Variants in HNRNPM observed in about 807,000 individuals in gnomAD.
HNRNPM encodes heterogeneous nuclear ribonucleoprotein M.
HNRNPM carries 11 observed loss-of-function variants against 73.1 expected under a neutral mutation model. The observed-to-expected ratio is 0.15, with a 90% CI of 0.09 to 0.25. The LOEUF is 0.25. HNRNPM is among the 10% of genes least tolerant of loss of function. The pLI is 1.00. For missense variants in HNRNPM, 789 were observed against 1,067.9 expected (o/e 0.74, Z 3.64); for synonymous variants, 407 against 355.2 (o/e 1.15, Z -1.64).
chr19:8,448,005 G>A (rs1007393078), intron 1 of HNRNPM, among the ~76,000 whole-genome samples: 1 of 152,174 alleles, frequency 6.6e-6, no homozygotes, highest in African/African-American at 2.4e-5. Context: ...CAGCCTGGGC[G>A]ACAGAGCGAT....
Position 8,488,862 on chromosome 19 carries a change from C to A in HNRNPM, c.*8C>A. 6.2e-7 allele frequency: 1 copy of A among 1,601,328 alleles called. No homozygotes were observed. Among genetic ancestry groups the A allele is most frequent in the Non-Finnish European group, 8.5e-7 (1 of 1,170,588 alleles). ...ATTGATAGAAACGCTTAAGCAGTTGCCTTTTTTAAACATCGATACGAGACC... is the reference window on the plus strand; with the variant it reads ...ATTGATAGAAACGCTTAAGCAGTTGACTTTTTTAAACATCGATACGAGACC... On this transcript the variant is annotated 3_prime_UTR_variant, in exon 16 of 16. Coordinates refer to ENST00000325495, the MANE Select transcript of HNRNPM (RefSeq NM_005968.5).
chr19:8,479,605 C>T (rs1049310161), intron 12 of HNRNPM, among the ~76,000 whole-genome samples: 1 of 151,772 alleles, frequency 6.6e-6, no homozygotes, highest in Non-Finnish European at 1.5e-5. Context: ...CACATGCCAC[C>T]ATGCCCAGCT....
chr19:8,488,156 T>C (rs1221440396), intron 15 of HNRNPM: 1 of 152,538 alleles, frequency 6.6e-6, no homozygotes, highest in African/African-American at 2.4e-5. Flanking sequence ...GGGCCCTCTC[T>C]TAGGCACTGA....
At chr19:8,456,757 G>C (rs1169048538) in intron 2 of HNRNPM, among the ~76,000 whole-genome samples, 1 of 152,204 alleles carries the variant, frequency 6.6e-6, no homozygotes, top group Non-Finnish European at 1.5e-5. Context: ...TCTCCGTACA[G>C]TCACGCGTGC....
At chr19:8,480,897 A>T (rs1242842368) in intron 12 of HNRNPM, among the ~76,000 whole-genome samples, 2 of 151,800 alleles carry the variant, frequency 1.3e-5, no homozygotes, top group Admixed American at 1.3e-4. Context: ...CTGCGGTTAC[A>T]CCTTCTTTCT....
intron 1 of HNRNPM, among the ~76,000 whole-genome samples, chr19:8,452,181 T>G (rs902078809): frequency 6.6e-6 from 1 of 152,216 alleles, no homozygotes; most frequent in African/African-American, 2.4e-5. Flanking sequence ...GTTAGACACT[T>G]TGTTACCTGC....
intron 1 of HNRNPM, among the ~76,000 whole-genome samples, chr19:8,447,510 A>G (rs935112853): frequency 2.6e-5 from 4 of 152,020 alleles, no homozygotes; most frequent in African/African-American, 7.2e-5. Flanking sequence ...GACGTGTGGA[A>G]GTGGAGGAGA....
intron 13 of HNRNPM, among the ~76,000 whole-genome samples, chr19:8,484,807 G>T (rs900612689): frequency 2.0e-5 from 3 of 152,174 alleles, no homozygotes; most frequent in Admixed American, 6.5e-5. Flanking sequence ...TGTGGAAAGG[G>T]GTGGCCTTGC....
intron 8 of HNRNPM, among the ~76,000 whole-genome samples, chr19:8,467,802 G>A (rs1052965783): frequency 6.6e-6 from 1 of 152,228 alleles, no homozygotes; most frequent in Non-Finnish European, 1.5e-5. Context: ...TGAGGCAGGC[G>A]GATCATGAGG....
At chr19:8,476,187 C>G (rs1042086606) in intron 12 of HNRNPM, among the ~76,000 whole-genome samples, 4 of 152,022 alleles carry the variant, frequency 2.6e-5, no homozygotes, top group African/African-American at 9.7e-5. Flanking sequence ...CTTAGATGTT[C>G]TGAGATACGG....
intron 1 of HNRNPM, among the ~76,000 whole-genome samples, chr19:8,454,336 T>C (rs1968840203): frequency 6.6e-6 from 1 of 152,238 alleles, no homozygotes. Context: ...ATATTTGGCC[T>C]TCAGTGACTG....
chr19:8,458,327 AG>A (rs1157601244), intron 2 of HNRNPM, among the ~76,000 whole-genome samples: 2 of 152,268 alleles, frequency 1.3e-5, no homozygotes, highest in African/African-American at 4.8e-5. Flanking sequence ...ACAGCTCCCC[AG>A]GTTGTATCCT....
intron 1 of HNRNPM, among the ~76,000 whole-genome samples, chr19:8,454,680 C>CT (rs1968872269): frequency 8.1e-6 from 1 of 123,612 alleles, no homozygotes; most frequent in Non-Finnish European, 1.8e-5. Context: ...TATGCCCCCC[C>CT]CCCCTTTTTT....
chr19:8,474,774 G>A (rs1459005696), intron 12 of HNRNPM, among the ~76,000 whole-genome samples: 2 of 149,390 alleles, frequency 1.3e-5, no homozygotes, highest in Admixed American at 1.3e-4. Flanking sequence ...GAGTGCAATG[G>A]TGCGATCTTG....
At chr19:8,486,430 T>A in intron 14 of HNRNPM, 25 bp downstream of exon 14, 2 of 1,533,384 alleles carry the variant, frequency 1.3e-6, no homozygotes, top group Non-Finnish European at 1.7e-6. Context: ...GGGAACTTCT[T>A]GGTGGTGGTG....
chr19:8,471,457 G>T (rs755262926), intron 10 of HNRNPM, 30 bp downstream of exon 10: 1 of 1,355,006 alleles, frequency 7.4e-7, no homozygotes, highest in Admixed American at 2.2e-5. Context: ...TTGCTTGGTG[G>T]TTTGGGGAAG....
chr19:8,456,810 C>T (rs539098902), intron 2 of HNRNPM, among the ~76,000 whole-genome samples: 67 of 152,100 alleles, frequency 4.4e-4, no homozygotes, highest in Non-Finnish European at 8.5e-4. Flanking sequence ...GATGGAAAAA[C>T]GTTTTGGTGT....
At chr19:8,445,713 C>G (rs1177202028) in intron 1 of HNRNPM, 1 of 152,486 alleles carries the variant, frequency 6.6e-6, no homozygotes, top group African/African-American at 2.4e-5. Flanking sequence ...TCGGAACCGC[C>G]CCTCGCCCCA....
intron 2 of HNRNPM, among the ~76,000 whole-genome samples, chr19:8,460,757 TGA>T (rs1969344546): frequency 6.6e-6 from 1 of 152,176 alleles, no homozygotes; most frequent in African/African-American, 2.4e-5. Flanking sequence ...TTAATTATTG[TGA>T]GTCTTTTATT....
Sources: allele counts gnomAD v4.1 joint callset (sites outside exome capture counted in the v4.1 genomes callset), GRCh38; gene constraint gnomAD v4.1.1; transcripts MANE v1.5; gene names NCBI Gene and HGNC (gene_info 2026-07-23, HGNC 2026-07-21).